MUC4: variants seen among roughly 807,000 people sequenced by gnomAD.
MUC4 encodes the protein mucin 4, cell surface associated, also known as mucin-4.
A neutral mutation model predicts 257.9 loss-of-function variants in MUC4; 202 were observed. The ratio of observed to expected loss-of-function variants is 0.78; its 90% CI spans 0.70 to 0.88. MUC4 has a LOEUF of 0.88. Among genes scored for constraint, MUC4 ranks in the 40% least tolerant of loss-of-function variants. MUC4 has a pLI of 0.00. For synonymous variants in MUC4, 2,351 were observed against 2,757.1 expected (o/e 0.85, Z 4.62); for missense variants, 5,976 against 6,513.7 (o/e 0.92, Z 2.84).
At position 195,761,124 on chromosome 3, in the gene MUC4, C is replaced by T; in HGVS notation, c.14615-7G>A. On this transcript the variant is annotated splice_polypyrimidine_tract_variant and splice_region_variant and intron_variant, in intron 15 of 24. Coordinates refer to ENST00000463781, the MANE Select transcript of MUC4 (RefSeq NM_018406.7). ...CCTGTCCCGTTGATCTGCCCTGTAA[C>T]ACACAGAGCGCGGTGGTACCAGGCA... The T allele has an allele frequency of 6.8e-6, 11 of 1,610,436 alleles. No homozygotes were observed. Among genetic ancestry groups the T allele is most frequent in the Non-Finnish European group, 6.8e-6 (8 of 1,176,640 alleles).
chr3:195,765,097 C>T lies in MUC4; in HGVS notation c.13824G>A (p.Gln4608=). The T allele has an allele frequency of 3.1e-6, 5 of 1,613,488 alleles. No homozygotes were observed. Among genetic ancestry groups the T allele is most frequent in the Non-Finnish European group, 4.2e-6 (5 of 1,179,732 alleles). The change falls in exon 10 of 25, where the codon CAG becomes CAA. Residue 4608 remains glutamine (Q), a synonymous_variant. Coordinates refer to ENST00000463781, the MANE Select transcript of MUC4 (RefSeq NM_018406.7). ...SIGRWGLGSR[Q]LCSFTSWRGG... ...CTCGCCAAGAGGTGAAGCTGCACAG[C>T]TGCCTACTGCCGAGGCCCCAGCGAC...
rs1266492532 is a variant in MUC4, at chr3:195,784,660, A to G, written c.6920T>C (p.Val2307Ala). ...TGTGGATGCTGAGGAAGCGTCGGTG[A>G]CATGAAGAGGGGTGGCGTGACCTGT... ...ASTGHATPLH[V>A]TDASSASTGH... Residue 2307 changes from valine (V) to alanine (A), a missense_variant, in exon 2 of 25, where the codon GTC becomes GCC. Physicochemically the swap from Val to Ala is moderately conservative, Grantham distance 64. Around this residue, in one of 44 missense-constraint regions of MUC4, gnomAD observed 62 missense variants for 74.0 expected, o/e 0.84. Coordinates refer to ENST00000463781, the MANE Select transcript of MUC4 (RefSeq NM_018406.7). 7.3e-6 allele frequency: 10 copies of G among 1,368,988 alleles called. No individual in the cohort carries two copies. The East Asian group carries it at 2.8e-4, about 38-fold the overall frequency. 84.8% of individuals were successfully genotyped at this position (1,368,988 alleles called of 1,614,324 possible). A position where few individuals can be genotyped will look rare whatever the true frequency, so the allele number is the denominator to read the frequency against.
At chr3:195,764,409 G>T (rs780782248) in intron 10 of MUC4, among the ~76,000 whole-genome samples, 2 of 152,184 alleles carry the variant, frequency 1.3e-5, no homozygotes, top group Admixed American at 6.5e-5. Flanking sequence ...ATGACCTTGG[G>T]CAGTGAATAG....
intron 18 of MUC4, among the ~76,000 whole-genome samples, chr3:195,754,832 GTGTA>G (rs1717245277): frequency 8.7e-6 from 1 of 114,796 alleles, no homozygotes; most frequent in Non-Finnish European, 2.0e-5. Flanking sequence ...GTATCCATGT[GTGTA>G]TGTATCATGT....
Position 195,780,542 on chromosome 3 carries a change from GGGTGGTGTCACCT to G in MUC4, c.11025_11037del (p.Gly3676ValfsTer579). The G allele has an allele frequency of 1.7e-6, 1 of 600,064 alleles. No individual in the cohort carries two copies. The highest frequency in any genetic ancestry group is 2.3e-6 in the Non-Finnish European group (1 of 441,810). The allele number at this position is 600,064 out of a possible 1,614,324, so 37.2% of individuals were successfully genotyped here. A position where few individuals can be genotyped will look rare whatever the true frequency, so the allele number is the denominator to read the frequency against. ...GAGGAAGTGTCCGTGACAGGAAGAC[GGGTGGTGTCACCT>G]GTGGATGCTGAGGAAGTGTCGGTGA... On this transcript the variant is annotated frameshift_variant, in exon 2 of 25. Transcript: ENST00000463781. LOFTEE classifies it high-confidence loss of function.
chr3:195,778,262 T>G (rs1202414231), intron 3 of MUC4, 41 bp downstream of exon 3: 2 of 1,545,538 alleles, frequency 1.3e-6, no homozygotes, highest in Non-Finnish European at 1.7e-6. Context: ...TTCAGTTACA[T>G]CACCCCTCAA....
At chr3:195,762,663 G>C (rs78151003) in intron 13 of MUC4, among the ~76,000 whole-genome samples, 192 bp downstream of exon 13, 679 of 15,878 alleles carry the variant, frequency 0.043, 112 homozygotes, top group East Asian at 0.21. Flanking sequence ...GCCACGCACC[G>C]GGCCCTGCAC....
chr3:195,767,556 T>TCATCACCACCATC (rs1560261676), intron 7 of MUC4, among the ~76,000 whole-genome samples: 5 of 22,438 alleles, frequency 2.2e-4, no homozygotes, highest in East Asian at 3.8e-3. Context: ...CCATCACCAT[T>TCATCACCACCATC]ACCATTGCCA....
intron 3 of MUC4, among the ~76,000 whole-genome samples, chr3:195,775,560 C>A (rs1268300906): frequency 9.8e-6 from 1 of 102,286 alleles, no homozygotes; most frequent in African/African-American, 5.3e-5. Flanking sequence ...CCTTCCACAC[C>A]CATACCTTCC....
intron 17 of MUC4, among the ~76,000 whole-genome samples, chr3:195,758,004 A>C (rs1376305560): frequency 1.3e-5 from 2 of 152,168 alleles, no homozygotes; most frequent in Non-Finnish European, 2.9e-5. Context: ...ACATGGGGCA[A>C]AAGGGATGCA....
rs749115694 is a variant in MUC4, at chr3:195,761,053, A to C, written c.14679T>G (p.Pro4893=). The change falls in exon 16 of 25, where the codon CCT becomes CCG. Residue 4893 remains proline (P), a synonymous_variant. Transcript: ENST00000463781. ...RNDQLPSNFT[P]VFYSQLQKNS... ...TTTTTTGCAGTTGTGAGTAGAAAAC[A>C]GGGGTGAAGTTGGAAGGCAGCTGGT... 1 of 1,614,056 alleles carries C rather than the reference A, an allele frequency of 6.2e-7. No individual in the cohort carries two copies. The highest frequency in any genetic ancestry group is 1.1e-5 in the South Asian group (1 of 91,080).
At chr3:195,804,991 C>T (rs1298687705) in intron 1 of MUC4, among the ~76,000 whole-genome samples, 2 of 152,234 alleles carry the variant, frequency 1.3e-5, no homozygotes, top group African/African-American at 4.8e-5. Flanking sequence ...TGGAATACAT[C>T]CCAGGCCCTG....
At chr3:195,748,219 C>A (rs1219769856) in intron 24 of MUC4, among the ~76,000 whole-genome samples, 2 of 152,288 alleles carry the variant, frequency 1.3e-5, no homozygotes, top group Admixed American at 1.3e-4. Context: ...ACTGCAGGTT[C>A]TTTTCCCACA....
chr3:195,774,005 A>G (rs1316789046), intron 4 of MUC4, among the ~76,000 whole-genome samples, 167 bp downstream of exon 4: 1 of 152,222 alleles, frequency 6.6e-6, no homozygotes, highest in East Asian at 1.9e-4. Flanking sequence ...CTCGCCTGGC[A>G]CCCTGTGTTC....
intron 20 of MUC4, 153 bp from the exon 21 acceptor site, chr3:195,752,599 A>G: frequency 1.6e-6 from 1 of 643,570 alleles, no homozygotes; most frequent in Non-Finnish European, 2.8e-6. Flanking sequence ...TACATTCCAC[A>G]GTGACAGAAG....
chr3:195,783,173 C>G lies in MUC4; in HGVS notation c.8407G>C (p.Val2803Leu), dbSNP rs777716407. 2.6e-5 allele frequency: 38 copies of G among 1,452,078 alleles called. No homozygotes were observed. The African/African-American group carries it at 4.7e-4, about 18-fold the overall frequency. 89.9% of individuals were successfully genotyped at this position (1,452,078 alleles called of 1,614,324 possible). ...ASTGHTTPLP[V>L]TDASSVSTGH... ...GTGGACACTGACGAAGCGTCGGTGA[C>G]AGGAAGAGGGGTGGTGTGACCTGTG... The change falls in exon 2 of 25, where the codon GTC (valine) becomes CTC (leucine). Residue 2803 changes from valine (V) to leucine (L), a missense_variant. Physicochemically the swap from Val to Leu is conservative, Grantham distance 32. Around this residue, in one of 44 missense-constraint regions of MUC4, gnomAD observed 228 missense variants for 206.3 expected, o/e 1.11. Transcript: ENST00000463781.
rs769504147 is a variant in MUC4 at position 195,747,259 on chromosome 3, C to T, written c.16156G>A (p.Gly5386Arg). 4 of 1,614,234 alleles carry T rather than the reference C, an allele frequency of 2.5e-6. No homozygotes were observed. The highest frequency in any genetic ancestry group is 1.7e-5 in the Admixed American group (1 of 60,032). The change falls in exon 25 of 25, where the codon GGG (glycine) becomes AGG (arginine). Residue 5386 changes from glycine to arginine, a missense_variant. Coordinates refer to ENST00000463781, the MANE Select transcript of MUC4 (RefSeq NM_018406.7). ...ALGGLLLLGV[G>R]TFVVLRFWGC... ...CAGAAGCGCAGGACCACGAACGTCC[C>T]GACCCCCAGCAGCAAGAGGCCGCCC...
chr3:195,767,835 C>CCCCCAACACCACCACCAT (rs1721719988), intron 7 of MUC4, among the ~76,000 whole-genome samples: 1 of 114,874 alleles, frequency 8.7e-6, no homozygotes, highest in East Asian at 2.4e-4. Flanking sequence ...ACCACCATCA[C>CCCCCAACACCACCACCAT]CACCACCACC....
rs764481446 is a variant in MUC4, at chr3:195,788,411, G to A, written c.3169C>T (p.Leu1057Phe). 4.8e-6 allele frequency: 7 copies of A among 1,471,202 alleles called. No individual in the cohort carries two copies. The highest frequency in any genetic ancestry group is 6.4e-6 in the Non-Finnish European group (7 of 1,086,988). 91.1% of individuals were successfully genotyped at this position (1,471,202 alleles called of 1,614,324 possible). ...GCTGAGGAAGTGTCAGTGACAGGAA[G>A]AGGGGTGCTGTCACCTGTGGATGCT... ...SSASTGDSTPLPVTDTSSAST... is the reference protein window; with the variant it reads ...SSASTGDSTPFPVTDTSSAST... Residue 1057 changes from leucine (L) to phenylalanine (F), a missense_variant, in exon 2 of 25, where the codon CTT becomes TTT. Coordinates refer to ENST00000463781, the MANE Select transcript of MUC4 (RefSeq NM_018406.7).
Sources: allele counts gnomAD v4.1 joint callset (sites outside exome capture counted in the v4.1 genomes callset), GRCh38; gene constraint gnomAD v4.1.1; regional missense constraint gnomAD v4.1.1; transcripts MANE v1.5; gene names NCBI Gene and HGNC (gene_info 2026-07-23, HGNC 2026-07-21).